PKDCC: variants seen among roughly 807,000 people sequenced by gnomAD.
PKDCC encodes extracellular tyrosine-protein kinase PKDCC.
Under a neutral mutation model 44.7 loss-of-function variants are expected in PKDCC, and 35 were observed. The ratio of observed to expected loss-of-function variants is 0.78; its 90% CI spans 0.60 to 1.04. The LOEUF is 1.04. Among genes scored for constraint, PKDCC ranks in the 50% least tolerant of loss-of-function variants. The pLI is 0.00. For synonymous variants in PKDCC, 353 were observed against 303.3 expected, an observed-to-expected ratio of 1.16 and a Z score of -1.70; for missense variants, 738 against 672.7, an observed-to-expected ratio of 1.10 and a Z score of -1.07.
rs1010537239 is a variant in PKDCC at position 42,057,965 on chromosome 2, G to T, written c.*277G>T. On this transcript the variant is annotated 3_prime_UTR_variant, in exon 7 of 7. Coordinates refer to ENST00000294964, the MANE Select transcript of PKDCC (RefSeq NM_138370.3). ...CCCTGTGGGCTGTAAGCAAGCTCAGGCTAGTCTCCCCACTGGGGGCTGTGC... is the reference window on the plus strand; with the variant it reads ...CCCTGTGGGCTGTAAGCAAGCTCAGTCTAGTCTCCCCACTGGGGGCTGTGC... 11 of 476,486 alleles carry T rather than the reference G, an allele frequency of 2.3e-5. No homozygotes were observed. The Admixed American group carries it at 4.0e-4, about 17-fold the overall frequency. 29.5% of individuals were successfully genotyped at this position (476,486 alleles called of 1,614,324 possible).
intron 2 of PKDCC, 43 bp from the exon 3 acceptor site, chr2:42,053,993 C>G: frequency 1.3e-6 from 2 of 1,586,000 alleles, no homozygotes; most frequent in Non-Finnish European, 1.7e-6. Flanking sequence ...AGACCCCCAA[C>G]CCAGGAGAAA....
At chr2:42,056,761 CA>C (rs879630679) in intron 5 of PKDCC, among the ~76,000 whole-genome samples, 120 of 122,784 alleles carry the variant, frequency 9.8e-4, no homozygotes, top group African/African-American at 1.0e-3. Context: ...GAGACCCCAT[CA>C]AAAAAAAAAA....
chr2:42,055,464 G>A lies in PKDCC; in HGVS notation c.1222+71G>A. ...GAGGGTGAATGACCCCGCCCAATTA[G>A]GCTAAGTGGCTCACCCTTTCTCTGG... On this transcript the variant is annotated intron_variant, in intron 5 of 6. Transcript: ENST00000294964. This position sits in a 1 kb window ranked among gnomAD's most constrained non-coding sequence, Gnocchi z 4.5. The A allele has an allele frequency of 7.3e-7, 1 of 1,361,726 alleles. No individual in the cohort carries two copies. Among genetic ancestry groups the A allele is most frequent in the South Asian group, 1.3e-5 (1 of 77,654 alleles). The allele number at this position is 1,361,726 out of a possible 1,614,324, so 84.4% of individuals were successfully genotyped here.
chr2:42,055,046 T>C lies in PKDCC; in HGVS notation c.1114+26T>C. On this transcript the variant is annotated intron_variant, in intron 4 of 6. Coordinates refer to ENST00000294964, the MANE Select transcript of PKDCC (RefSeq NM_138370.3). The surrounding 1 kb of genome is among the most constrained non-coding windows in gnomAD (Gnocchi z 4.5). The stretch of plus-strand genomic sequence containing the variant: ...GTGAGCTCTCCAGGGCCCATCTGCT[T>C]CCAGGCACCTACCCCACCCCCACCC... 8 of 1,601,100 alleles carry C rather than the reference T, an allele frequency of 5.0e-6. No homozygotes were observed. The highest frequency in any genetic ancestry group is 6.0e-6 in the Non-Finnish European group (7 of 1,168,370).
chr2:42,053,494 C>G, intron 2 of PKDCC, 133 bp downstream of exon 2: 1 of 1,271,888 alleles, frequency 7.9e-7, no homozygotes, highest in Non-Finnish European at 1.1e-6. Context: ...CACAGGCTGA[C>G]TCAGCCACCG....
At position 42,051,341 on chromosome 2, in the gene PKDCC, C is replaced by T. The variant is rs1414798304; in HGVS notation, c.640-1898C>T. Among the ~76,000 whole-genome samples the T allele has an allele frequency of 6.6e-6, 1 of 151,984 alleles. No homozygotes were observed. The highest frequency in any genetic ancestry group is 1.9e-4 in the East Asian group (1 of 5,134). On this transcript the variant is annotated intron_variant, in intron 1 of 6. Coordinates refer to ENST00000294964, the MANE Select transcript of PKDCC (RefSeq NM_138370.3). The surrounding 1 kb of genome is among the most constrained non-coding windows in gnomAD (Gnocchi z 4.2). ...CCTCCCCTCAACCTCTCCCCACCTC[C>T]CCCTCCCCCAGTCATCCTGGGGCCC...
rs1371714877 is a variant in PKDCC at position 42,048,842 on chromosome 2, C to T, written c.639+4C>T. On this transcript the variant is annotated splice_donor_region_variant and intron_variant, in intron 1 of 6. Transcript: ENST00000294964. This position sits in a 1 kb window ranked among gnomAD's most constrained non-coding sequence, Gnocchi z 6.2. ...GCGGCACCCCAACGTGCTGCAGGTA[C>T]GAGGGTGGGGACGCGGGGGTAACGG... The T allele has an allele frequency of 2.1e-6, 3 of 1,453,616 alleles. No homozygotes were observed. Among genetic ancestry groups the T allele is most frequent in the African/African-American group, 1.4e-5 (1 of 71,284 alleles). The allele number at this position is 1,453,616 out of a possible 1,614,324, so 90.0% of individuals were successfully genotyped here. A position where few individuals can be genotyped will look rare whatever the true frequency, so the allele number is the denominator to read the frequency against.
At chr2:42,050,368 G>C (rs1006026751) in intron 1 of PKDCC, among the ~76,000 whole-genome samples, 1 of 152,262 alleles carries the variant, frequency 6.6e-6, no homozygotes, top group South Asian at 2.1e-4. Context: ...GGAGTGGAGA[G>C]GTCTTGAGTG....
chr2:42,050,068 G>GTTGT (rs1326395622), intron 1 of PKDCC, among the ~76,000 whole-genome samples: 2 of 152,164 alleles, frequency 1.3e-5, no homozygotes, highest in East Asian at 3.9e-4. Flanking sequence ...TGGCCCAAAA[G>GTTGT]TTGTTTATAC....
chr2:42,056,788 G>A (rs1668064812), intron 5 of PKDCC, among the ~76,000 whole-genome samples: 3 of 151,850 alleles, frequency 2.0e-5, no homozygotes, highest in South Asian at 2.1e-4. Context: ...AAAAAGAAAA[G>A]AAAAAGAATC....
At position 42,055,784 on chromosome 2, in the gene PKDCC, A is replaced by G. The variant is rs949519745; in HGVS notation, c.1222+391A>G. On this transcript the variant is annotated intron_variant, in intron 5 of 6. Coordinates refer to ENST00000294964, the MANE Select transcript of PKDCC (RefSeq NM_138370.3). This position sits in a 1 kb window ranked among gnomAD's most constrained non-coding sequence, Gnocchi z 4.5. ...AATTAAATGTCAGGTGAAATGTGTG[A>G]AAGCAATTAGTGCAGTTCCTATGAC... is the stretch of plus-strand genomic sequence containing the variant. Among the ~76,000 whole-genome samples, 31 of 152,222 alleles carry G rather than the reference A, an allele frequency of 2.0e-4. No homozygotes were observed. The highest frequency in any genetic ancestry group is 6.5e-4 in the African/African-American group (27 of 41,454).
At chr2:42,049,462 G>C (rs551180592) in intron 1 of PKDCC, among the ~76,000 whole-genome samples, 2 of 152,012 alleles carry the variant, frequency 1.3e-5, no homozygotes, top group South Asian at 2.1e-4. Flanking sequence ...TCCCAGAAGT[G>C]AACTAAGGGT....
intron 1 of PKDCC, among the ~76,000 whole-genome samples, chr2:42,049,125 G>C (rs891799922): frequency 6.6e-6 from 1 of 152,138 alleles, no homozygotes; most frequent in African/African-American, 2.4e-5. Flanking sequence ...AGTCCATTAG[G>C]ATTTAGGACT....
rs1668038122 is a variant in PKDCC at position 42,055,413 on chromosome 2, T to C, written c.1222+20T>C. ...GTACCGGTGAGTGGCCCCAAGCTGA[T>C]CCACAGGGAAGCAAGAAACAGGTGG... On this transcript the variant is annotated intron_variant, in intron 5 of 6. Transcript: ENST00000294964. This position sits in a 1 kb window ranked among gnomAD's most constrained non-coding sequence, Gnocchi z 4.5. 1 of 1,607,128 alleles carries C rather than the reference T, an allele frequency of 6.2e-7. No individual in the cohort carries two copies. Among genetic ancestry groups the C allele is most frequent in the Non-Finnish European group, 8.5e-7 (1 of 1,175,814 alleles).
In PKDCC at chr2:42,051,320, C is replaced by T. The variant is rs1667963359; in HGVS notation, c.640-1919C>T. On this transcript the variant is annotated intron_variant, in intron 1 of 6. Coordinates refer to ENST00000294964, the MANE Select transcript of PKDCC (RefSeq NM_138370.3). The surrounding 1 kb of genome is among the most constrained non-coding windows in gnomAD (Gnocchi z 4.2). ...CCAAAGGGCACAAGGGTCTCCCCTC[C>T]CCTCAACCTCTCCCCACCTCCCCCT... 6.6e-6 allele frequency among the ~76,000 whole-genome samples: 1 copy of T among 150,982 alleles called. No homozygotes were observed. Among genetic ancestry groups the T allele is most frequent in the Admixed American group, 6.6e-5 (1 of 15,186 alleles).
At position 42,052,306 on chromosome 2, in the gene PKDCC, T is replaced by G. The variant is rs1350589325; in HGVS notation, c.640-933T>G. ...ACACTTGTTACCAGTCTAAGGGAAC[T>G]TGCTTTTCCTCCCTCAAGACCCACG... is the stretch of plus-strand genomic sequence containing the variant. On this transcript the variant is annotated intron_variant, in intron 1 of 6. Transcript: ENST00000294964. This position sits in a 1 kb window ranked among gnomAD's most constrained non-coding sequence, Gnocchi z 4.3. Among the ~76,000 whole-genome samples the G allele has an allele frequency of 1.3e-5, 2 of 152,172 alleles. No individual in the cohort carries two copies. The highest frequency in any genetic ancestry group is 2.9e-5 in the Non-Finnish European group (2 of 68,032).
In PKDCC at chr2:42,054,300, G is replaced by C; in HGVS notation, c.1027G>C (p.Ala343Pro). The change falls in exon 3 of 7, where the codon GCC becomes CCC. Residue 343 changes from alanine to proline, a missense_variant. Coordinates refer to ENST00000294964, the MANE Select transcript of PKDCC (RefSeq NM_138370.3). This position sits in a 1 kb window ranked among gnomAD's most constrained non-coding sequence, Gnocchi z 6.1. ...GMNEKRNLYN[A>P]YRFFFTYLLP... Reference sequence around the variant, plus strand: ...GAACGAGAAGCGGAACCTCTATAATGCCTACAGGTGACCTCCACCCCTGAC... The same window carrying C: ...GAACGAGAAGCGGAACCTCTATAATCCCTACAGGTGACCTCCACCCCTGAC... 6.3e-7 allele frequency: 1 copy of C among 1,599,096 alleles called. No homozygotes were observed. Among genetic ancestry groups the C allele is most frequent in the Non-Finnish European group, 8.5e-7 (1 of 1,171,506 alleles).
At chr2:42,053,496 C>T (rs1272085086) in intron 2 of PKDCC, 135 bp downstream of exon 2, 4 of 1,239,180 alleles carry the variant, frequency 3.2e-6, no homozygotes, top group African/African-American at 3.0e-5. Flanking sequence ...CAGGCTGACT[C>T]AGCCACCGGC....
At chr2:42,057,470 C>G in intron 6 of PKDCC, 76 bp downstream of exon 6, 2 of 1,586,244 alleles carry the variant, frequency 1.3e-6, no homozygotes, top group South Asian at 2.2e-5. Context: ...GATCCCCCAT[C>G]GGAAGTCAGA....
Sources: allele counts gnomAD v4.1 joint callset (sites outside exome capture counted in the v4.1 genomes callset), GRCh38; gene constraint gnomAD v4.1.1; non-coding constraint Gnocchi (gnomAD v3.1); transcripts MANE v1.5; gene names NCBI Gene and HGNC (gene_info 2026-07-23, HGNC 2026-07-21).